The following FOXP2 variants were observed in gnomAD, a reference collection of about 807,000 sequenced individuals.
FOXP2 encodes forkhead box P2, also known as forkhead box protein P2.
FOXP2 carries 12 observed loss-of-function variants against 115.8 expected under a neutral mutation model. That is an observed-to-expected ratio of 0.10 (90% CI 0.07 to 0.17). FOXP2 has a LOEUF of 0.17. FOXP2 is among the 10% of genes least tolerant of loss of function. The pLI, the probability that FOXP2 is intolerant of heterozygous loss-of-function variation, is 1.00. For missense variants in FOXP2, 629 were observed against 843.5 expected (o/e 0.75, Z 3.15); for synonymous variants, 328 against 297.7 (o/e 1.10, Z -1.05).
chr7:114,387,679 T>C (rs1016328191), intron 2 of FOXP2, among the ~76,000 whole-genome samples: 3 of 152,178 alleles, frequency 2.0e-5, no homozygotes, highest in Non-Finnish European at 4.4e-5. Flanking sequence ...AAAAAGGGTA[T>C]AAACATTGTA....
intron 2 of FOXP2, among the ~76,000 whole-genome samples, chr7:114,462,322 C>T (rs1430639958): frequency 7.9e-6 from 1 of 126,236 alleles, no homozygotes; most frequent in Non-Finnish European, 1.7e-5. Flanking sequence ...CACTAAAGGA[C>T]AGAAATAAAA....
chr7:114,510,358 A>G (rs1798011498), intron 2 of FOXP2, among the ~76,000 whole-genome samples: 2 of 152,140 alleles, frequency 1.3e-5, no homozygotes, highest in Admixed American at 1.3e-4. Context: ...CTTTATGGCC[A>G]TGGCATTTAT....
chr7:114,481,026 T>C (rs941313395), intron 2 of FOXP2, among the ~76,000 whole-genome samples: 2 of 151,362 alleles, frequency 1.3e-5, no homozygotes, highest in African/African-American at 4.8e-5. Flanking sequence ...AAGTATTTCA[T>C]GTCTTGTGGA....
At chr7:114,151,145 C>T (rs1434033116) in intron 1 of FOXP2, among the ~76,000 whole-genome samples, 4 of 151,694 alleles carry the variant, frequency 2.6e-5, no homozygotes, top group Non-Finnish European at 5.9e-5. Flanking sequence ...AAATGTAAAC[C>T]AGTTGTCTGC....
At chr7:114,486,623 A>C (rs1796788858) in intron 2 of FOXP2, among the ~76,000 whole-genome samples, 1 of 152,220 alleles carries the variant, frequency 6.6e-6, no homozygotes, top group African/African-American at 2.4e-5. Context: ...TCTACCTATC[A>C]GCCTGTAAAA....
chr7:114,530,482 A>G (rs1422412339), intron 2 of FOXP2, among the ~76,000 whole-genome samples: 2 of 151,892 alleles, frequency 1.3e-5, no homozygotes, highest in Admixed American at 1.3e-4. Context: ...ATGGGGAGAT[A>G]TATGACTGAT....
At chr7:114,671,260 C>T (rs1248443564) in intron 16 of FOXP2, among the ~76,000 whole-genome samples, 1 of 151,896 alleles carries the variant, frequency 6.6e-6, no homozygotes, top group Non-Finnish European at 1.5e-5. Context: ...TTATTCCAGT[C>T]CCCATATGTG....
In FOXP2 at chr7:114,329,534, G is replaced by A. The variant is rs73206281; in HGVS notation, c.-11+41425G>A. ...AACTCCATCTCGGAAAAAAAAAAAAGAAAAAAAAAAGGAAATTGTGTTATC... is the reference window on the plus strand; with the variant it reads ...AACTCCATCTCGGAAAAAAAAAAAAAAAAAAAAAAAGGAAATTGTGTTATC... On this transcript the variant is annotated intron_variant, in intron 2 of 17. Transcript: ENST00000634411. Among the ~76,000 whole-genome samples the A allele has an allele frequency of 7.2e-4, 101 of 140,630 alleles. 1 individual carries two copies. Among genetic ancestry groups the A allele is most frequent in the African/African-American group, 6.5e-4 (25 of 38,200 alleles). 92.3% of individuals were successfully genotyped at this position (140,630 alleles called of 152,430 possible). A position where few individuals can be genotyped will look rare whatever the true frequency, so the allele number is the denominator to read the frequency against.
At chr7:114,500,789 A>T (rs1382137774) in intron 2 of FOXP2, among the ~76,000 whole-genome samples, 2 of 152,174 alleles carry the variant, frequency 1.3e-5, no homozygotes, top group Non-Finnish European at 2.9e-5. Flanking sequence ...ATTTTTTCAC[A>T]TAAAAAGTAA....
Position 114,693,350 on chromosome 7 carries a change from A to G in FOXP2, c.*3424A>G, listed in dbSNP as rs1385976568. On this transcript the variant is annotated 3_prime_UTR_variant, in exon 17 of 17. Transcript: ENST00000350908. ...AATAGAGCTACAGAAGTACACTTAC[A>G]TAAACCATCCTGGACTTTAATGTCC... 1 of 453,716 alleles carries G rather than the reference A, an allele frequency of 2.2e-6. No individual in the cohort carries two copies. Among genetic ancestry groups the G allele is most frequent in the African/African-American group, 2.0e-5 (1 of 49,992 alleles). 28.1% of individuals were successfully genotyped at this position (453,716 alleles called of 1,614,324 possible).
intron 1 of FOXP2, among the ~76,000 whole-genome samples, chr7:114,134,573 C>T (rs561955227): frequency 6.6e-6 from 1 of 151,424 alleles, no homozygotes; most frequent in South Asian, 2.1e-4. Flanking sequence ...ATTAGCCGGG[C>T]GTAGTGGCGG....
At chr7:114,484,946 G>A (rs1269653212) in intron 2 of FOXP2, among the ~76,000 whole-genome samples, 1 of 151,728 alleles carries the variant, frequency 6.6e-6, no homozygotes, top group Non-Finnish European at 1.5e-5. Context: ...AAGGTACTAT[G>A]TACTCTGGAT....
At chr7:114,143,358 GT>G (rs1333187270) in intron 1 of FOXP2, among the ~76,000 whole-genome samples, 1 of 151,898 alleles carries the variant, frequency 6.6e-6, no homozygotes, top group Non-Finnish European at 1.5e-5. Context: ...TTGAGATTGA[GT>G]TTTTCTTTCA....
At chr7:114,268,451 C>T (rs1467158414) in intron 1 of FOXP2, among the ~76,000 whole-genome samples, 1 of 152,084 alleles carries the variant, frequency 6.6e-6, no homozygotes, top group Non-Finnish European at 1.5e-5. Flanking sequence ...CAAAAATGCT[C>T]ACATTTTAAA....
At chr7:114,339,457 A>G (rs1791146832) in intron 2 of FOXP2, among the ~76,000 whole-genome samples, 3 of 151,180 alleles carry the variant, frequency 2.0e-5, no homozygotes, top group Admixed American at 6.6e-5. Context: ...TGATAACATA[A>G]GGAAGTAAAT....
chr7:114,363,248 G>T (rs1365954413), intron 2 of FOXP2, among the ~76,000 whole-genome samples: 1 of 152,058 alleles, frequency 6.6e-6, no homozygotes, highest in East Asian at 1.9e-4. Context: ...GTGTGGAAGA[G>T]AAGACATTTT....
intron 1 of FOXP2, among the ~76,000 whole-genome samples, chr7:114,238,789 A>C (rs1169732896): frequency 1.3e-5 from 2 of 151,990 alleles, no homozygotes; most frequent in African/African-American, 4.8e-5. Context: ...AACCAAAAAA[A>C]CAAAAAACAA....
chr7:114,268,889 G>T (rs1405639821), intron 1 of FOXP2, among the ~76,000 whole-genome samples: 3 of 152,032 alleles, frequency 2.0e-5, no homozygotes, highest in African/African-American at 7.2e-5. Context: ...GGAAAATATT[G>T]TCCTTATTTT....
chr7:114,279,828 TAAGA>T (rs1440701635), intron 1 of FOXP2, among the ~76,000 whole-genome samples: 1 of 151,876 alleles, frequency 6.6e-6, no homozygotes, highest in African/African-American at 2.4e-5. Flanking sequence ...TTTTCTTATG[TAAGA>T]AAGAAAGGAA....
Sources: gnomAD v4.1 joint callset for allele counts (sites outside exome capture counted in the v4.1 genomes callset) on GRCh38, gnomAD v4.1.1 for gene constraint, MANE v1.5 for transcripts, NCBI Gene and HGNC (gene_info 2026-07-23, HGNC 2026-07-21) for gene names.